E2F7: variants seen among roughly 807,000 people sequenced by gnomAD.
E2F7 encodes the protein transcription factor E2F7.
In E2F7, 35 loss-of-function variants were observed where a neutral mutation model predicts 81.1. That is an observed-to-expected ratio of 0.43 (90% CI 0.33 to 0.57). The LOEUF (loss-of-function observed/expected upper bound fraction) is 0.57, where lower values mean the gene tolerates loss of function less well. Among genes scored for constraint, E2F7 ranks in the 20% least tolerant of loss-of-function variants. The pLI is 0.04. For missense variants in E2F7, 961 were observed against 1,093.7 expected (o/e 0.88, Z 1.71); for synonymous variants, 416 against 416.2 (o/e 1.00, Z 0.01).
rs1954940175 is a variant in E2F7 at position 77,046,180 on chromosome 12, C to T, written c.687G>A (p.Gln229=). 3 of 1,614,078 alleles carry T rather than the reference C, an allele frequency of 1.9e-6. No individual in the cohort carries two copies. The highest frequency in any genetic ancestry group is 1.1e-5 in the South Asian group (1 of 91,088). Residue 229 remains glutamine, a synonymous_variant, in exon 5 of 13, where the codon CAG becomes CAA. Coordinates refer to ENST00000322886, the MANE Select transcript of E2F7 (RefSeq NM_203394.3). ...LRNLQRLGEE[Q]KYEEQMAYLQ... is the part of the protein sequence containing the mutation. ...GGTAGGCCATTTGCTCTTCATATTT[C>T]TGCTCCTCTCCTAGTCTCTGGAGGT...
At chr12:77,034,515 A>T (rs1954833065) in intron 7 of E2F7, among the ~76,000 whole-genome samples, 1 of 152,324 alleles carries the variant, frequency 6.6e-6, no homozygotes, top group South Asian at 2.1e-4. Flanking sequence ...ATGCTTTATT[A>T]TTTCTTTCTT....
intron 7 of E2F7, among the ~76,000 whole-genome samples, chr12:77,040,391 G>T (rs916602408): frequency 6.6e-6 from 1 of 152,164 alleles, no homozygotes; most frequent in Non-Finnish European, 1.5e-5. Context: ...CAGAATGCTG[G>T]CTTATGGTAT....
At chr12:77,026,417 T>C (rs868024920) in intron 11 of E2F7, among the ~76,000 whole-genome samples, 1 of 151,964 alleles carries the variant, frequency 6.6e-6, no homozygotes, top group East Asian at 1.9e-4. Context: ...GTCGTCCCAT[T>C]TCAGTCTGCA....
chr12:77,043,218 G>T lies in E2F7; in HGVS notation c.989-19C>A, dbSNP rs762836772. ...ACCTTTGCTTGAAGATATAAAACAC[G>T]ATTACGGTCATGCTGCCTGTGACAC... is the stretch of plus-strand genomic sequence containing the variant. On this transcript the variant is annotated intron_variant, in intron 6 of 12. Coordinates refer to ENST00000322886, the MANE Select transcript of E2F7 (RefSeq NM_203394.3). 1 of 1,613,792 alleles carries T rather than the reference G, an allele frequency of 6.2e-7. No individual in the cohort carries two copies. Among genetic ancestry groups the T allele is most frequent in the African/African-American group, 1.3e-5 (1 of 74,996 alleles).
chr12:77,035,657 G>A (rs914578091), intron 7 of E2F7, among the ~76,000 whole-genome samples: 11 of 152,140 alleles, frequency 7.2e-5, no homozygotes, highest in African/African-American at 2.4e-4. Context: ...ATACAGAAAT[G>A]TCTATCACCT....
At chr12:77,045,079 G>A (rs1016933803) in intron 5 of E2F7, among the ~76,000 whole-genome samples, 1 of 152,082 alleles carries the variant, frequency 6.6e-6, no homozygotes, top group Non-Finnish European at 1.5e-5. Context: ...GAATCCATAC[G>A]GTAGTTTTCC....
intron 3 of E2F7, 49 bp from the exon 4 acceptor site, chr12:77,050,793 C>G (rs746682888): frequency 2.5e-6 from 4 of 1,586,176 alleles, no homozygotes; most frequent in Admixed American, 1.7e-5. Flanking sequence ...AGTTAACATC[C>G]TAATGGAGAA....
Position 77,056,122 on chromosome 12 carries a change from T to A in E2F7, c.102A>T (p.Ile34=). The A allele has an allele frequency of 6.3e-7, 1 of 1,589,284 alleles. No individual in the cohort carries two copies. ...EDGENAQKEN[I]FVDRSRMAPK... is the part of the protein sequence containing the mutation. ...GGGCCATCCTTGATCGATCAACAAA[T>A]ATATTTTCCTATTTTAAAAAAGAAA... The change falls in exon 3 of 13, where the codon ATA becomes ATT. Residue 34 remains isoleucine, a synonymous_variant. Coordinates refer to ENST00000322886, the MANE Select transcript of E2F7 (RefSeq NM_203394.3).
At chr12:77,026,902 A>G (rs1295050728) in intron 11 of E2F7, among the ~76,000 whole-genome samples, 1 of 152,166 alleles carries the variant, frequency 6.6e-6, no homozygotes, top group Non-Finnish European at 1.5e-5. Context: ...ATTTAATTCT[A>G]TGCATCCGTA....
In E2F7 at chr12:77,029,404, T is replaced by C. The variant is rs192985221; in HGVS notation, c.1884+427A>G. Among the ~76,000 whole-genome samples, 4 of 152,292 alleles carry C rather than the reference T, an allele frequency of 2.6e-5. No homozygotes were observed. The East Asian group carries it at 7.7e-4, about 29-fold the overall frequency. ...AGGATCACTGAACACTGAAGAGAAG[T>C]GACCAAGCATAAGATCTGATAGCCA... On this transcript the variant is annotated intron_variant, in intron 10 of 12. Transcript: ENST00000322886.
In E2F7 at chr12:77,023,952, C is replaced by A. The variant is rs1295136322; in HGVS notation, c.*63G>T. On this transcript the variant is annotated 3_prime_UTR_variant, in exon 13 of 13. Coordinates refer to ENST00000322886, the MANE Select transcript of E2F7 (RefSeq NM_203394.3). Reference sequence around the variant, plus strand: ...TGCTCAGGACGGGATGGTTTGCATCCCGCCTCGGACATCCGGGACTCTCAG... The same window carrying A: ...TGCTCAGGACGGGATGGTTTGCATCACGCCTCGGACATCCGGGACTCTCAG... 1.4e-5 allele frequency: 22 copies of A among 1,570,144 alleles called. No homozygotes were observed. The highest frequency in any genetic ancestry group is 1.8e-5 in the Non-Finnish European group (21 of 1,159,700).
intron 3 of E2F7, among the ~76,000 whole-genome samples, chr12:77,054,501 A>T (rs562869484): frequency 6.6e-6 from 1 of 152,324 alleles, no homozygotes; most frequent in South Asian, 2.1e-4. Flanking sequence ...AACACTGCTG[A>T]AAGATATTAA....
chr12:77,025,965 C>T lies in E2F7; in HGVS notation c.2158G>A (p.Val720Ile), dbSNP rs1156469706. ...GGGGTTTGACTGCCAGATAAAAGTACATTGAAACCATTTAATCCTGAAAGA... is the reference window on the plus strand; with the variant it reads ...GGGGTTTGACTGCCAGATAAAAGTATATTGAAACCATTTAATCCTGAAAGA... ...QSPAGLNGFN[V>I]LLSGSQTPPT... The change falls in exon 12 of 13, where the codon GTA becomes ATA. Residue 720 changes from valine (V) to isoleucine (I), a missense_variant. This residue lies in a region of E2F7 where 587 missense variants were observed against 620.3 expected (regional missense o/e 0.95). Transcript: ENST00000322886. The T allele has an allele frequency of 6.2e-7, 1 of 1,609,292 alleles. No homozygotes were observed. The highest frequency in any genetic ancestry group is 1.3e-5 in the African/African-American group (1 of 74,576).
chr12:77,057,730 A>G (rs1334696777), intron 2 of E2F7, among the ~76,000 whole-genome samples: 1 of 152,210 alleles, frequency 6.6e-6, no homozygotes, highest in African/African-American at 2.4e-5. Flanking sequence ...CTTTCCCCTA[A>G]AAAAGTTTCA....
chr12:77,059,425 G>A (rs141100954), intron 2 of E2F7, among the ~76,000 whole-genome samples: 26 of 152,276 alleles, frequency 1.7e-4, no homozygotes, highest in African/African-American at 5.3e-4. Context: ...TGTTCATTCT[G>A]TCTGGGCCCA....
chr12:77,039,253 T>TA (rs1477725738), intron 7 of E2F7, among the ~76,000 whole-genome samples: 1 of 152,168 alleles, frequency 6.6e-6, no homozygotes, highest in East Asian at 1.9e-4. Flanking sequence ...AAAGATTTCT[T>TA]AGATAAAAAC....
chr12:77,056,447 A>G (rs1274971334), intron 2 of E2F7, among the ~76,000 whole-genome samples: 1 of 152,200 alleles, frequency 6.6e-6, no homozygotes, highest in African/African-American at 2.4e-5. Flanking sequence ...GGTTGAGTCC[A>G]TATTGTTTCT....
Position 77,064,473 on chromosome 12 carries a change from G to A in E2F7, c.93+70C>T, listed in dbSNP as rs140656001. On this transcript the variant is annotated intron_variant, in intron 2 of 12. Transcript: ENST00000322886. ...TAAATACAAATACAAATGGCATGTT[G>A]GAACACTTAATTGAATTCAACATCA... 4.1e-6 allele frequency: 5 copies of A among 1,232,680 alleles called. No individual in the cohort carries two copies. The East Asian group carries it at 1.2e-4, about 29-fold the overall frequency. The allele number at this position is 1,232,680 out of a possible 1,614,324, so 76.4% of individuals were successfully genotyped here.
rs745894339 is a variant in E2F7, at chr12:77,025,768, C to A, written c.2355G>T (p.Leu785Phe). 1.6e-5 allele frequency: 26 copies of A among 1,613,934 alleles called. No individual in the cohort carries two copies. Among genetic ancestry groups the A allele is most frequent in the Non-Finnish European group, 2.0e-5 (24 of 1,180,028 alleles). ...GCTGGGCTATTGATCCAAGGCCAGG[C>A]AAGCTGAAATTCACAGGTCCTGTGT... ...LPNTGPVNFS[L>F]PGLGSIAQLL... is the part of the protein sequence containing the mutation. Residue 785 changes from leucine to phenylalanine, a missense_variant, in exon 12 of 13, where the codon TTG (leucine) becomes TTT (phenylalanine). This residue lies in a region of E2F7 where 587 missense variants were observed against 620.3 expected (regional missense o/e 0.95). Coordinates refer to ENST00000322886, the MANE Select transcript of E2F7 (RefSeq NM_203394.3).
Sources: gnomAD v4.1 joint callset for allele counts (sites outside exome capture counted in the v4.1 genomes callset) on GRCh38, gnomAD v4.1.1 for gene constraint, gnomAD v4.1.1 regional missense constraint, MANE v1.5 for transcripts, NCBI Gene and HGNC (gene_info 2026-07-23, HGNC 2026-07-21) for gene names.